Variants in MAGI2 observed in about 807,000 individuals in gnomAD.
MAGI2 encodes the protein membrane associated guanylate kinase, WW and PDZ domain containing 2.
A neutral mutation model predicts 133.3 loss-of-function variants in MAGI2; 35 were observed. The observed-to-expected ratio is 0.26, with a 90% CI of 0.20 to 0.35. MAGI2 has a LOEUF of 0.35. Among genes scored for constraint, MAGI2 ranks in the 10% least tolerant of loss-of-function variants. MAGI2 has a pLI of 1.00. For synonymous variants in MAGI2, 729 were observed against 710.6 expected (o/e 1.03, Z -0.41); for missense variants, 1,636 against 1,863.4 (o/e 0.88, Z 2.25).
intron 2 of MAGI2, among the ~76,000 whole-genome samples, chr7:78,944,089 G>A (rs1035168328): frequency 2.0e-5 from 3 of 152,264 alleles, no homozygotes; most frequent in South Asian, 4.1e-4. Flanking sequence ...CCCAGATGGA[G>A]AATAAACAGC....
chr7:79,181,823 G>A (rs1463586691), intron 1 of MAGI2, among the ~76,000 whole-genome samples: 2 of 151,954 alleles, frequency 1.3e-5, no homozygotes, highest in Admixed American at 6.6e-5. Flanking sequence ...GCTTAGAAAT[G>A]TCTTCTGCCA....
chr7:79,111,376 T>A (rs569745505), intron 1 of MAGI2, among the ~76,000 whole-genome samples: 1 of 152,212 alleles, frequency 6.6e-6, no homozygotes, highest in African/African-American at 2.4e-5. Context: ...ATATTACAAA[T>A]GTCTGTTATG....
intron 9 of MAGI2, among the ~76,000 whole-genome samples, chr7:78,309,184 T>C (rs1352883691): frequency 6.6e-6 from 1 of 152,228 alleles, no homozygotes; most frequent in Non-Finnish European, 1.5e-5. Flanking sequence ...ATCCCATTAC[T>C]GGGTATATGC....
intron 2 of MAGI2, among the ~76,000 whole-genome samples, chr7:78,974,945 G>A (rs1399839484): frequency 1.3e-5 from 2 of 151,678 alleles, no homozygotes; most frequent in Non-Finnish European, 2.9e-5. Context: ...TATAGCATTA[G>A]ATAATGACAA....
intron 1 of MAGI2, chr7:79,125,735 C>G: frequency 3.8e-6 from 2 of 521,746 alleles, no homozygotes; most frequent in South Asian, 2.8e-5. Context: ...ATGGCCAAGG[C>G]CAATACTTTG....
intron 9 of MAGI2, among the ~76,000 whole-genome samples, chr7:78,277,468 C>A (rs573668109): frequency 6.6e-6 from 1 of 152,120 alleles, no homozygotes; most frequent in East Asian, 1.9e-4. Flanking sequence ...TTGCCAAATG[C>A]AAAAAATTAG....
At chr7:79,031,808 C>T (rs1350747186) in intron 1 of MAGI2, among the ~76,000 whole-genome samples, 1 of 152,082 alleles carries the variant, frequency 6.6e-6, no homozygotes, top group Non-Finnish European at 1.5e-5. Context: ...TGATTTATGA[C>T]TTTACTGAGT....
At chr7:78,704,852 C>A (rs1206992151) in intron 2 of MAGI2, among the ~76,000 whole-genome samples, 1 of 142,386 alleles carries the variant, frequency 7.0e-6, no homozygotes, top group East Asian at 2.1e-4. Context: ...ATGACCTTGG[C>A]TCACTGCAAC....
chr7:78,033,863 C>T (rs3779347), intron 21 of MAGI2, among the ~76,000 whole-genome samples: 37,763 of 151,860 alleles, frequency 0.25, 5,101 homozygotes, highest in African/African-American at 0.35. Flanking sequence ...TGTGGAGAAC[C>T]CTGTGTGCCA....
chr7:79,432,051 G>C (rs532470500), intron 1 of MAGI2, among the ~76,000 whole-genome samples: 5 of 152,266 alleles, frequency 3.3e-5, no homozygotes, highest in Non-Finnish European at 7.3e-5. Flanking sequence ...ATGTGAAATG[G>C]TACTTTTCCT....
At chr7:78,711,507 T>C (rs1819186182) in intron 2 of MAGI2, among the ~76,000 whole-genome samples, 1 of 152,208 alleles carries the variant, frequency 6.6e-6, no homozygotes, top group African/African-American at 2.4e-5. Context: ...GTCAGATTAT[T>C]TCCATTTTGT....
chr7:78,531,746 C>T (rs1375164211), intron 3 of MAGI2, among the ~76,000 whole-genome samples: 2 of 152,138 alleles, frequency 1.3e-5, no homozygotes, highest in Non-Finnish European at 2.9e-5. Context: ...TATAGCTTGT[C>T]ATATAACTTC....
At chr7:78,841,629 T>C (rs1189881044) in intron 2 of MAGI2, among the ~76,000 whole-genome samples, 1 of 151,992 alleles carries the variant, frequency 6.6e-6, no homozygotes. Flanking sequence ...TCCAACTGAA[T>C]ATCTAACTGA....
At chr7:78,441,583 T>C (rs1382579161) in intron 6 of MAGI2, among the ~76,000 whole-genome samples, 2 of 151,926 alleles carry the variant, frequency 1.3e-5, no homozygotes, top group Non-Finnish European at 2.9e-5. Context: ...CTTACCTTCC[T>C]GCTAATGTGG....
At chr7:78,936,449 A>G (rs1303168855) in intron 2 of MAGI2, among the ~76,000 whole-genome samples, 1 of 152,012 alleles carries the variant, frequency 6.6e-6, no homozygotes, top group African/African-American at 2.4e-5. Flanking sequence ...AAATCTACAA[A>G]TATATACGTT....
At chr7:78,134,223 C>T (rs1398457004) in intron 17 of MAGI2, 1 of 152,210 alleles carries the variant, frequency 6.6e-6, no homozygotes, top group Non-Finnish European at 1.5e-5. Context: ...CCATTTGCTG[C>T]CTACATGTCA....
At chr7:78,373,197 A>T (rs1326334335) in intron 6 of MAGI2, among the ~76,000 whole-genome samples, 1 of 152,130 alleles carries the variant, frequency 6.6e-6, no homozygotes, top group Non-Finnish European at 1.5e-5. Flanking sequence ...GCTGACAAGT[A>T]CCCTTAGAAA....
At chr7:78,860,071 C>G (rs1175193139) in intron 2 of MAGI2, among the ~76,000 whole-genome samples, 3 of 152,158 alleles carry the variant, frequency 2.0e-5, no homozygotes, top group Admixed American at 2.0e-4. Context: ...AGTTCTCGTG[C>G]CATGGTTTTC....
intron 21 of MAGI2, among the ~76,000 whole-genome samples, chr7:78,075,912 C>T (rs917964764): frequency 2.0e-5 from 3 of 152,164 alleles, no homozygotes; most frequent in East Asian, 1.9e-4. Flanking sequence ...TGCCAGACAA[C>T]TAACATTTAT....
Sources: allele counts gnomAD v4.1 joint callset (sites outside exome capture counted in the v4.1 genomes callset), GRCh38; gene constraint gnomAD v4.1.1; transcripts MANE v1.5; gene names NCBI Gene and HGNC (gene_info 2026-07-23, HGNC 2026-07-21).